TMEM116: variants seen among roughly 807,000 people sequenced by gnomAD.
TMEM116 encodes the protein transmembrane protein 116.
In TMEM116, 38 loss-of-function variants were observed where a neutral mutation model predicts 44.3. The ratio of observed to expected loss-of-function variants is 0.86; its 90% CI spans 0.66 to 1.12. The LOEUF (loss-of-function observed/expected upper bound fraction) is 1.12, where lower values mean the gene tolerates loss of function less well. Ranked by LOEUF, TMEM116 falls within the 50% of genes most tolerant of loss-of-function variation. The pLI is 0.00. For missense variants in TMEM116, 354 were observed against 401.7 expected (o/e 0.88, Z 1.01); for synonymous variants, 132 against 144.8 (o/e 0.91, Z 0.64).
chr12:112,000,624 C>T (rs914791807), intron 3 of TMEM116: 12 of 375,200 alleles, frequency 3.2e-5, no homozygotes, highest in Non-Finnish European at 3.7e-5. Context: ...TTACTTACTT[C>T]CTGAGCCTCC....
Position 111,933,885 on chromosome 12 carries a change from C to T in TMEM116, c.733+1G>A. 1 of 1,613,830 alleles carries T rather than the reference C, an allele frequency of 6.2e-7. No homozygotes were observed. ...CCCATCTCTTCTTGTTAAGTACCTA[C>T]CTGGGCCCCAGCAGCAAAAGAAGGC... On this transcript the variant is annotated splice_donor_variant, in intron 9 of 10. Coordinates refer to ENST00000552374, the MANE Select transcript of TMEM116 (RefSeq NM_001193531.2). LOFTEE classifies it high-confidence loss of function.
intron 4 of TMEM116, among the ~76,000 whole-genome samples, chr12:111,989,778 C>T (rs896303844): frequency 1.3e-5 from 2 of 152,142 alleles, no homozygotes; most frequent in Non-Finnish European, 2.9e-5. Flanking sequence ...TATTATACTA[C>T]ATAGCTCAAA....
chr12:111,965,749 C>T, intron 4 of TMEM116: 1 of 388,726 alleles, frequency 2.6e-6, no homozygotes, highest in Non-Finnish European at 5.1e-6. Flanking sequence ...CATGGCGAAA[C>T]CCCGTCTCCC....
chr12:111,998,023 T>C (rs2077025555), intron 3 of TMEM116, among the ~76,000 whole-genome samples: 1 of 152,222 alleles, frequency 6.6e-6, no homozygotes, highest in South Asian at 2.1e-4. Context: ...GAAAAATCTC[T>C]AAATTTAAAA....
intron 4 of TMEM116, among the ~76,000 whole-genome samples, chr12:111,980,333 T>C (rs531797059): frequency 6.6e-6 from 1 of 152,200 alleles, no homozygotes; most frequent in Non-Finnish European, 1.5e-5. Flanking sequence ...TTATATACTG[T>C]ATGATTCCCA....
In TMEM116 at chr12:111,991,885, C is replaced by T. The variant is rs893336148; in HGVS notation, c.83G>A (p.Arg28Lys). 7.2e-6 allele frequency: 11 copies of T among 1,534,682 alleles called. No homozygotes were observed. The African/African-American group carries it at 1.5e-4, about 21-fold the overall frequency. The part of the protein sequence containing the change: ...FHNIQKSPEI[R>K]PLFYLSFCDL... The stretch of plus-strand genomic sequence containing the variant: ...ACAGAAGCTCAGATAAAAAAGTGGT[C>T]TTATCTGTCAAAGTAATAAAATCCT... Residue 28 changes from arginine to lysine, a missense_variant, in exon 4 of 11, where the codon AGA (arginine) becomes AAA (lysine). Transcript: ENST00000552374.
rs2072999253 is a variant in TMEM116, at chr12:111,943,131, C to T, written c.315+134G>A. On this transcript the variant is annotated intron_variant, in intron 5 of 10. Coordinates refer to ENST00000552374, the MANE Select transcript of TMEM116 (RefSeq NM_001193531.2). The stretch of plus-strand genomic sequence containing the variant: ...GTAGAGATGGGCTTTCACCACTTGC[C>T]CAGACTGGCCTCGAATTCCTGGGCA... 1.8e-5 allele frequency: 13 copies of T among 718,982 alleles called. No homozygotes were observed. The South Asian group carries it at 2.2e-4, about 12-fold the overall frequency. The allele number at this position is 718,982 out of a possible 1,614,324, so 44.5% of individuals were successfully genotyped here.
intron 4 of TMEM116, among the ~76,000 whole-genome samples, chr12:111,950,149 A>G (rs1565888072): frequency 6.6e-6 from 1 of 152,070 alleles, no homozygotes; most frequent in Non-Finnish European, 1.5e-5. Flanking sequence ...AACAAAAAAA[A>G]CAACCAAAAA....
chr12:112,003,385 G>A (rs1301982912), intron 3 of TMEM116, among the ~76,000 whole-genome samples: 3 of 152,080 alleles, frequency 2.0e-5, no homozygotes, highest in Admixed American at 6.6e-5. Context: ...TGGCTAACAC[G>A]GTGAAACCCT....
chr12:111,989,916 A>C (rs940229669), intron 4 of TMEM116, among the ~76,000 whole-genome samples: 2 of 152,166 alleles, frequency 1.3e-5, no homozygotes, highest in African/African-American at 4.8e-5. Flanking sequence ...GTACACCATA[A>C]ATATGTATAG....
At chr12:111,973,714 G>A (rs1265932770) in intron 4 of TMEM116, among the ~76,000 whole-genome samples, 2 of 152,066 alleles carry the variant, frequency 1.3e-5, no homozygotes, top group Non-Finnish European at 2.9e-5. Flanking sequence ...CACTTTGGGA[G>A]GCCGAGGCTG....
At chr12:111,975,681 T>C (rs2075629452) in intron 4 of TMEM116, among the ~76,000 whole-genome samples, 1 of 152,120 alleles carries the variant, frequency 6.6e-6, no homozygotes. Flanking sequence ...AAAAGCCAAA[T>C]AGACTTGCCT....
At chr12:111,945,439 T>G (rs968115267) in intron 4 of TMEM116, among the ~76,000 whole-genome samples, 2 of 152,040 alleles carry the variant, frequency 1.3e-5, no homozygotes, top group East Asian at 3.8e-4. Flanking sequence ...CTGTTAGATT[T>G]TTTTTCAGCC....
intron 4 of TMEM116, among the ~76,000 whole-genome samples, chr12:111,949,050 G>A (rs1208035042): frequency 4.6e-5 from 7 of 152,126 alleles, no homozygotes; most frequent in Non-Finnish European, 8.8e-5. Flanking sequence ...GGAGTTAGAG[G>A]CTGCAGTGAA....
Position 111,940,550 on chromosome 12 carries a change from C to CATATATGTGT in TMEM116, c.316-2341_316-2340insACACATATAT, listed in dbSNP as rs1565874405. Among the ~76,000 whole-genome samples, 179 of 127,616 alleles carry CATATATGTGT rather than the reference C, an allele frequency of 1.4e-3. 1 individual carries two copies. Among genetic ancestry groups the CATATATGTGT allele is most frequent in the African/African-American group, 5.3e-3 (168 of 31,592 alleles). 83.7% of individuals were successfully genotyped at this position (127,616 alleles called of 152,430 possible). A position where few individuals can be genotyped will look rare whatever the true frequency, so the allele number is the denominator to read the frequency against. Reference sequence around the variant, plus strand: ...ATATATATATATATATATATACACACACACATATATATGTGTGTATATATA... The same window carrying CATATATGTGT: ...ATATATATATATATATATATACACACATATATGTGTACACATATATATGTGTGTATATATA... On this transcript the variant is annotated intron_variant, in intron 5 of 10. Coordinates refer to ENST00000552374, the MANE Select transcript of TMEM116 (RefSeq NM_001193531.2).
Position 111,931,553 on chromosome 12 carries a change from T to C in TMEM116, c.*68A>G, listed in dbSNP as rs1487339118. 6.7e-7 allele frequency: 1 copy of C among 1,486,622 alleles called. No individual in the cohort carries two copies. Among genetic ancestry groups the C allele is most frequent in the Non-Finnish European group, 9.4e-7 (1 of 1,069,278 alleles). 92.1% of individuals were successfully genotyped at this position (1,486,622 alleles called of 1,614,324 possible). The stretch of plus-strand genomic sequence containing the variant: ...GTTAGAAAAGATTTAAGATGTCCTT[T>C]CCCAACATTCTTTCCAATCCATTAG... On this transcript the variant is annotated 3_prime_UTR_variant, in exon 11 of 11. Transcript: ENST00000552374.
chr12:111,959,921 C>T (rs1312090634), intron 4 of TMEM116, among the ~76,000 whole-genome samples: 2 of 152,110 alleles, frequency 1.3e-5, no homozygotes, highest in Non-Finnish European at 2.9e-5. Flanking sequence ...TTTAATACCC[C>T]ACTGTCGATA....
chr12:111,938,224 A>G lies in TMEM116; in HGVS notation c.316-14T>C. The G allele has an allele frequency of 6.5e-7, 1 of 1,544,894 alleles. No individual in the cohort carries two copies. Among genetic ancestry groups the G allele is most frequent in the Non-Finnish European group, 8.8e-7 (1 of 1,137,702 alleles). ...ATAATCTATCACCTGTGAAAAGAAT[A>G]AATGTGAGAAATGTCTTAAGACATT... On this transcript the variant is annotated splice_polypyrimidine_tract_variant and intron_variant, in intron 5 of 10. Transcript: ENST00000552374.
intron 4 of TMEM116, among the ~76,000 whole-genome samples, chr12:111,978,980 T>TG (rs1324161212): frequency 6.6e-6 from 1 of 152,100 alleles, no homozygotes; most frequent in Non-Finnish European, 1.5e-5. Context: ...TATGCAAAAA[T>TG]AAGACCTTAT....
Sources: gnomAD v4.1 joint callset for allele counts (sites outside exome capture counted in the v4.1 genomes callset) on GRCh38, gnomAD v4.1.1 for gene constraint, MANE v1.5 for transcripts, NCBI Gene and HGNC (gene_info 2026-07-23, HGNC 2026-07-21) for gene names.